The following UBE2N variants were observed in gnomAD, a reference collection of about 807,000 sequenced individuals.
The protein encoded by UBE2N is ubiquitin-conjugating enzyme E2 N.
For synonymous variants in UBE2N, 70 were observed against 69.2 expected (o/e 1.01, Z -0.06); for missense variants, 60 against 192.1 (o/e 0.31, Z 4.07).
rs918355264 is a variant in UBE2N at position 93,408,364 on chromosome 12, C to T, written c.*1675G>A. On this transcript the variant is annotated 3_prime_UTR_variant, in exon 4 of 4. Transcript: ENST00000318066. ...GATACCAGTTACCAGTCATCAAAAG[C>T]TTTTGTATGTTGAAAATGTAATTTT... The T allele has an allele frequency of 1.1e-4, 16 of 152,146 alleles. No homozygotes were observed. Among genetic ancestry groups the T allele is most frequent in the Non-Finnish European group, 2.2e-4 (15 of 68,026 alleles). 9.4% of individuals were successfully genotyped at this position (152,146 alleles called of 1,614,324 possible). A position where few individuals can be genotyped will look rare whatever the true frequency, so the allele number is the denominator to read the frequency against.
intron 1 of UBE2N, among the ~76,000 whole-genome samples, chr12:93,433,364 T>C (rs1440632664): frequency 2.6e-5 from 4 of 152,202 alleles, no homozygotes; most frequent in Non-Finnish European, 5.9e-5. Flanking sequence ...CACACAGTCA[T>C]GTTTCTGCCA....
intron 3 of UBE2N, 71 bp from the exon 4 acceptor site, chr12:93,410,150 G>T: frequency 1.4e-6 from 2 of 1,410,258 alleles, no homozygotes; most frequent in Non-Finnish European, 2.0e-6. Context: ...ACTATAAATG[G>T]CAAACAACCA....
intron 1 of UBE2N, 108 bp from the exon 2 acceptor site, chr12:93,411,407 C>T (rs1878026865): frequency 1.4e-6 from 2 of 1,425,080 alleles, no homozygotes; most frequent in East Asian, 2.3e-5. Flanking sequence ...AGAACAGCTC[C>T]AATCTCCCAA....
intron 1 of UBE2N, among the ~76,000 whole-genome samples, chr12:93,432,933 G>GTTT (rs71071735): frequency 0.019 from 2,547 of 132,624 alleles, 169 homozygotes; most frequent in African/African-American, 0.057. Flanking sequence ...CTTCATTCAG[G>GTTT]TTTTTTTTTT....
Position 93,416,451 on chromosome 12 carries a change from C to CTT in UBE2N, c.31-5154_31-5153dup, listed in dbSNP as rs35555714. On this transcript the variant is annotated intron_variant, in intron 1 of 3. Transcript: ENST00000318066. ...AATTCCTACTGTTTCACTTATCTATCTTTTTTTTTTTTTTTGAGACAAGTC... is the reference window on the plus strand; with the variant it reads ...AATTCCTACTGTTTCACTTATCTATCTTTTTTTTTTTTTTTTTGAGACAAGTC... Among the ~76,000 whole-genome samples, 155 of 144,724 alleles carry CTT rather than the reference C, an allele frequency of 1.1e-3. 1 individual carries two copies. The highest frequency in any genetic ancestry group is 7.3e-3 in the Middle Eastern group (2 of 274). The allele number at this position is 144,724 out of a possible 152,430, so 94.9% of individuals were successfully genotyped here.
chr12:93,432,397 T>C (rs889286384), intron 1 of UBE2N, among the ~76,000 whole-genome samples: 1 of 152,090 alleles, frequency 6.6e-6, no homozygotes, highest in Non-Finnish European at 1.5e-5. Context: ...AAATTTGGCC[T>C]TGGGATCGGC....
chr12:93,424,352 T>C (rs1205526968), intron 1 of UBE2N: 2 of 152,128 alleles, frequency 1.3e-5, no homozygotes, highest in Admixed American at 6.5e-5. Flanking sequence ...CCATAATAGG[T>C]AAGGCAAGAC....
At chr12:93,438,817 T>C (rs371027733) in intron 1 of UBE2N, among the ~76,000 whole-genome samples, 1 of 152,198 alleles carries the variant, frequency 6.6e-6, no homozygotes, top group South Asian at 2.1e-4. Flanking sequence ...CTGGATTAGA[T>C]ACAGGAATCT....
chr12:93,422,565 T>C (rs1322161567), intron 1 of UBE2N, among the ~76,000 whole-genome samples: 1 of 152,170 alleles, frequency 6.6e-6, no homozygotes. Context: ...AGGTAGGAAA[T>C]GTTCTTCTGT....
intron 1 of UBE2N, among the ~76,000 whole-genome samples, chr12:93,422,332 A>G (rs923241215): frequency 1.3e-5 from 2 of 152,242 alleles, no homozygotes; most frequent in African/African-American, 4.8e-5. Flanking sequence ...AAAAAATAAA[A>G]ATAAGACTTT....
chr12:93,437,424 G>C (rs965741765), intron 1 of UBE2N, among the ~76,000 whole-genome samples: 3 of 151,938 alleles, frequency 2.0e-5, no homozygotes, highest in South Asian at 4.2e-4. Context: ...AGGGAATCAA[G>C]GTATTTGCAT....
rs144874851 is a variant in UBE2N, at chr12:93,439,288, A to C, written c.30+2567T>G. 1.1e-4 allele frequency among the ~76,000 whole-genome samples: 16 copies of C among 152,284 alleles called. 1 individual carries two copies. In the East Asian group the frequency reaches 2.9e-3, roughly 28 times the overall value. ...GATTGTGTGAGGTCAAGAGTTTGAGACCAGCCTGGGCAACATGGCGAAACC... is the reference window on the plus strand; with the variant it reads ...GATTGTGTGAGGTCAAGAGTTTGAGCCCAGCCTGGGCAACATGGCGAAACC... On this transcript the variant is annotated intron_variant, in intron 1 of 3. Coordinates refer to ENST00000318066, the MANE Select transcript of UBE2N (RefSeq NM_003348.4).
Position 93,408,309 on chromosome 12 carries a change from T to C in UBE2N, c.*1730A>G, listed in dbSNP as rs1420058982. 1 of 152,248 alleles carries C rather than the reference T, an allele frequency of 6.6e-6. No individual in the cohort carries two copies. The highest frequency in any genetic ancestry group is 2.4e-5 in the African/African-American group (1 of 41,474). 9.4% of individuals were successfully genotyped at this position (152,248 alleles called of 1,614,324 possible). A position where few individuals can be genotyped will look rare whatever the true frequency, so the allele number is the denominator to read the frequency against. On this transcript the variant is annotated 3_prime_UTR_variant, in exon 4 of 4. Transcript: ENST00000318066. ...ATTTCATTCTGAATTAAGCTAACAT[T>C]TGTTACCAAGCAATGCATTTATTTG...
At position 93,411,135 on chromosome 12, in the gene UBE2N, T is replaced by G; in HGVS notation, c.195A>C (p.Ala65=). ...ELFLPEEYPM[A]APKVRFMTKI... is the part of the protein sequence containing the mutation. Reference sequence around the variant, plus strand: ...TGGTCATGAAACGTACTTTAGGGGCTGCCATTGGGTATTCTTCTGGAAGGA... The same window carrying G: ...TGGTCATGAAACGTACTTTAGGGGCGGCCATTGGGTATTCTTCTGGAAGGA... Residue 65 remains alanine (A), a synonymous_variant, in exon 2 of 4, where the codon GCA becomes GCC. Coordinates refer to ENST00000318066, the MANE Select transcript of UBE2N (RefSeq NM_003348.4). The G allele has an allele frequency of 6.2e-7, 1 of 1,614,222 alleles. No individual in the cohort carries two copies. The highest frequency in any genetic ancestry group is 1.6e-4 in the Middle Eastern group (1 of 6,062).
At chr12:93,440,142 T>C (rs145906458) in intron 1 of UBE2N, among the ~76,000 whole-genome samples, 7 of 152,240 alleles carry the variant, frequency 4.6e-5, no homozygotes, top group Non-Finnish European at 1.0e-4. Flanking sequence ...GAATGTCAAC[T>C]TGCATTATGT....
chr12:93,439,857 C>A (rs137922445), intron 1 of UBE2N, among the ~76,000 whole-genome samples: 1 of 145,752 alleles, frequency 6.9e-6, no homozygotes, highest in Non-Finnish European at 1.5e-5. Flanking sequence ...AACAAGATAC[C>A]GTAAAATTAA....
intron 1 of UBE2N, among the ~76,000 whole-genome samples, chr12:93,417,751 A>G (rs1349381955): frequency 6.6e-6 from 1 of 152,232 alleles, no homozygotes; most frequent in African/African-American, 2.4e-5. Flanking sequence ...CCTACTCTGT[A>G]AACTCCAACC....
chr12:93,437,204 AC>A (rs1878959258), intron 1 of UBE2N, among the ~76,000 whole-genome samples: 1 of 152,190 alleles, frequency 6.6e-6, no homozygotes, highest in Non-Finnish European at 1.5e-5. Flanking sequence ...AAAGCAGAAC[AC>A]TATGATGCAT....
intron 1 of UBE2N, among the ~76,000 whole-genome samples, chr12:93,411,891 C>G (rs1376741730): frequency 6.6e-6 from 1 of 152,040 alleles, no homozygotes; most frequent in Non-Finnish European, 1.5e-5. Context: ...ACGGTATCAC[C>G]CTGTTGGCCA....
Sources: gnomAD v4.1 joint callset for allele counts (sites outside exome capture counted in the v4.1 genomes callset) on GRCh38, gnomAD v4.1.1 for gene constraint, MANE v1.5 for transcripts, NCBI Gene and HGNC (gene_info 2026-07-23, HGNC 2026-07-21) for gene names.